The following EPHA6 variants were observed in gnomAD, a reference collection of about 807,000 sequenced individuals.
The protein encoded by EPHA6 is EPH receptor A6, also known as ephrin type-A receptor 6.
A neutral mutation model predicts 112.0 loss-of-function variants in EPHA6; 50 were observed. The observed-to-expected ratio is 0.45, with a 90% CI of 0.36 to 0.56. EPHA6 has a LOEUF of 0.56. Ranked by LOEUF, EPHA6 falls within the 20% of genes least tolerant of loss-of-function variation. EPHA6 has a pLI of 0.00. For synonymous variants in EPHA6, 529 were observed against 490.7 expected (o/e 1.08, Z -1.03); for missense variants, 1,280 against 1,417.4 (o/e 0.90, Z 1.56).
chr3:97,174,086 G>T (rs148728089), intron 3 of EPHA6, among the ~76,000 whole-genome samples: 17 of 140,918 alleles, frequency 1.2e-4, no homozygotes, highest in African/African-American at 4.7e-4. Context: ...GTATGTTCAT[G>T]AGTTCAATTT....
At chr3:97,363,284 T>C (rs983969814) in intron 5 of EPHA6, among the ~76,000 whole-genome samples, 2 of 144,070 alleles carry the variant, frequency 1.4e-5, no homozygotes, top group African/African-American at 5.0e-5. Context: ...TCTACAGTTA[T>C]ATAAGTTTAT....
At chr3:97,453,451 G>A (rs2090588544) in intron 7 of EPHA6, among the ~76,000 whole-genome samples, 2 of 151,546 alleles carry the variant, frequency 1.3e-5, no homozygotes, top group South Asian at 2.1e-4. Flanking sequence ...TCACCTGTAG[G>A]CTGCATAAAT....
chr3:96,898,692 C>T (rs2038419127), intron 2 of EPHA6, among the ~76,000 whole-genome samples: 1 of 151,876 alleles, frequency 6.6e-6, no homozygotes, highest in African/African-American at 2.4e-5. Context: ...TATTAGTATC[C>T]TAGGGCTGTC....
intron 11 of EPHA6, among the ~76,000 whole-genome samples, chr3:97,589,631 A>G (rs1359598063): frequency 6.6e-6 from 1 of 152,128 alleles, no homozygotes; most frequent in African/African-American, 2.4e-5. Flanking sequence ...GACTCTCCCT[A>G]CTGGGAAAGT....
intron 2 of EPHA6, among the ~76,000 whole-genome samples, chr3:96,892,003 C>T (rs188396582): frequency 6.6e-6 from 1 of 152,282 alleles, no homozygotes. Context: ...GGCCCACAGA[C>T]AGCTTTAGAG....
At chr3:97,386,805 CT>C (rs1315351693) in intron 5 of EPHA6, among the ~76,000 whole-genome samples, 1 of 152,186 alleles carries the variant, frequency 6.6e-6, no homozygotes. Context: ...GGCTCTTCCC[CT>C]GCAACAGACT....
intron 5 of EPHA6, among the ~76,000 whole-genome samples, chr3:97,319,134 T>C (rs1254219005): frequency 6.6e-6 from 1 of 151,440 alleles, no homozygotes; most frequent in Admixed American, 6.6e-5. Flanking sequence ...TCCATATATA[T>C]AATTTATTCA....
In EPHA6 at chr3:96,935,881, A is replaced by G. The variant is rs150448259; in HGVS notation, c.451-51449A>G. 2.2e-3 allele frequency among the ~76,000 whole-genome samples: 328 copies of G among 151,984 alleles called. 1 individual carries two copies. The Middle Eastern group carries it at 0.031, about 14-fold the overall frequency. On this transcript the variant is annotated intron_variant, in intron 2 of 17. Coordinates refer to ENST00000389672, the MANE Select transcript of EPHA6 (RefSeq NM_001080448.3). Reference sequence around the variant, plus strand: ...ATATTGAGGATATTATTAATATGACACGAGAGGACTCATTAGTGAAAATGA... The same window carrying G: ...ATATTGAGGATATTATTAATATGACGCGAGAGGACTCATTAGTGAAAATGA...
At chr3:97,612,913 A>C (rs1371231304) in intron 13 of EPHA6, among the ~76,000 whole-genome samples, 1 of 152,140 alleles carries the variant, frequency 6.6e-6, no homozygotes, top group Non-Finnish European at 1.5e-5. Flanking sequence ...ATTCAAACTC[A>C]AGTCTCTATG....
In EPHA6 at chr3:97,749,364, A is replaced by T. The variant is rs1391438298; in HGVS notation, c.*663A>T. The T allele has an allele frequency of 9.7e-6, 2 of 206,544 alleles. No individual in the cohort carries two copies. Among genetic ancestry groups the T allele is most frequent in the East Asian group, 7.3e-5 (1 of 13,612 alleles). 12.8% of individuals were successfully genotyped at this position (206,544 alleles called of 1,614,324 possible). A position where few individuals can be genotyped will look rare whatever the true frequency, so the allele number is the denominator to read the frequency against. On this transcript the variant is annotated 3_prime_UTR_variant, in exon 18 of 18. Coordinates refer to ENST00000389672, the MANE Select transcript of EPHA6 (RefSeq NM_001080448.3). Reference sequence around the variant, plus strand: ...CTGAGGCTGGGTTTGTCAATTTTTTAAAAATTAACTTTATAATGTCATACA... The same window carrying T: ...CTGAGGCTGGGTTTGTCAATTTTTTTAAAATTAACTTTATAATGTCATACA...
chr3:96,989,424 CAA>C (rs2043138036), intron 3 of EPHA6, among the ~76,000 whole-genome samples: 1 of 152,050 alleles, frequency 6.6e-6, no homozygotes, highest in Non-Finnish European at 1.5e-5. Flanking sequence ...TATAGGTTAT[CAA>C]TATAGTTTAT....
intron 5 of EPHA6, among the ~76,000 whole-genome samples, chr3:97,257,544 G>T (rs999742642): frequency 2.6e-5 from 4 of 151,960 alleles, no homozygotes; most frequent in Non-Finnish European, 5.9e-5. Flanking sequence ...AAATGGTAAT[G>T]CTCTGACTGC....
intron 14 of EPHA6, among the ~76,000 whole-genome samples, chr3:97,643,026 A>G (rs900115246): frequency 1.4e-4 from 21 of 152,194 alleles, no homozygotes; most frequent in Admixed American, 1.2e-3. Context: ...AAAAAATGTT[A>G]AGGGCAGCCA....
intron 2 of EPHA6, among the ~76,000 whole-genome samples, chr3:96,962,656 A>G (rs896573388): frequency 1.3e-5 from 2 of 151,452 alleles, no homozygotes; most frequent in African/African-American, 2.4e-5. Context: ...TTTTTTAGCT[A>G]AAACAAATTA....
chr3:97,337,606 A>C (rs2083115897), intron 5 of EPHA6, among the ~76,000 whole-genome samples: 1 of 152,158 alleles, frequency 6.6e-6, no homozygotes. Flanking sequence ...ATTGGTATTC[A>C]TCCAACATTT....
chr3:97,098,642 T>A (rs929221121), intron 3 of EPHA6, among the ~76,000 whole-genome samples: 6 of 151,864 alleles, frequency 4.0e-5, no homozygotes, highest in Non-Finnish European at 8.8e-5. Flanking sequence ...CCTCTAAGAC[T>A]TTTTCAAAAA....
chr3:97,607,196 A>C (rs1346028672), intron 12 of EPHA6, among the ~76,000 whole-genome samples: 1 of 150,384 alleles, frequency 6.6e-6, no homozygotes, highest in Non-Finnish European at 1.5e-5. Flanking sequence ...AAAAAAAAAA[A>C]AAAACACAAA....
intron 15 of EPHA6, among the ~76,000 whole-genome samples, chr3:97,724,697 C>T (rs2107808364): frequency 6.6e-6 from 1 of 151,906 alleles, no homozygotes; most frequent in Admixed American, 6.5e-5. Flanking sequence ...TGACAGTGAG[C>T]CATGATGATG....
chr3:97,447,703 A>G, intron 6 of EPHA6: 1 of 967,970 alleles, frequency 1.0e-6, no homozygotes, highest in Non-Finnish European at 1.2e-6. Flanking sequence ...CATGTAACAA[A>G]CCCTGACTGT....
Sources: allele counts gnomAD v4.1 joint callset (sites outside exome capture counted in the v4.1 genomes callset), GRCh38; gene constraint gnomAD v4.1.1; transcripts MANE v1.5; gene names NCBI Gene and HGNC (gene_info 2026-07-23, HGNC 2026-07-21).